HMCN2: variants seen among roughly 807,000 people sequenced by gnomAD.
HMCN2 encodes hemicentin 2.
HMCN2 carries 325 observed loss-of-function variants against 377.5 expected under a neutral mutation model. The ratio of observed to expected loss-of-function variants is 0.86; its 90% CI spans 0.79 to 0.94. HMCN2 has a LOEUF of 0.94. Ranked by LOEUF, HMCN2 falls within the 40% of genes least tolerant of loss-of-function variation. The probability of loss-of-function intolerance (pLI) is 0.00; values close to 1 mark genes in which losing one functional copy is unlikely to be tolerated. For synonymous variants in HMCN2, 2,007 were observed against 2,046.8 expected, an observed-to-expected ratio of 0.98 and a Z score of 0.53; for missense variants, 4,543 against 4,725.3, an observed-to-expected ratio of 0.96 and a Z score of 1.13.
chr9:130,327,992 G>A (rs1032934897), intron 22 of HMCN2, among the ~76,000 whole-genome samples: 29 of 152,304 alleles, frequency 1.9e-4, no homozygotes, highest in African/African-American at 6.3e-4. Context: ...AAGCCACGCC[G>A]TACCCCCCAG....
At chr9:130,332,599 G>T (rs1838485478) in intron 22 of HMCN2, among the ~76,000 whole-genome samples, 2 of 152,212 alleles carry the variant, frequency 1.3e-5, no homozygotes, top group African/African-American at 4.8e-5. Context: ...GTGCGATGGC[G>T]CTGGCTCCGT....
chr9:130,350,363 T>G (rs1839635514), intron 29 of HMCN2, among the ~76,000 whole-genome samples: 2 of 128,100 alleles, frequency 1.6e-5, no homozygotes, highest in Admixed American at 9.2e-5. Context: ...CGAGACCCTG[T>G]CTCTGCTAAA....
rs1173811076 is a variant in HMCN2 at position 130,360,621 on chromosome 9, C to G, written c.5950+17C>G. On this transcript the variant is annotated intron_variant, in intron 38 of 97. Coordinates refer to ENST00000683500, the MANE Select transcript of HMCN2 (RefSeq NM_001291815.2). This position sits in a 1 kb window ranked among gnomAD's most constrained non-coding sequence, Gnocchi z 4.7. ...GGGTCAATGGTGAGCTTCCCTGGGCCTACAAGGTCCCTTGTCCAAAAAGTT... is the reference window on the plus strand; with the variant it reads ...GGGTCAATGGTGAGCTTCCCTGGGCGTACAAGGTCCCTTGTCCAAAAAGTT... 7.9e-7 allele frequency: 1 copy of G among 1,267,532 alleles called. No individual in the cohort carries two copies. Among genetic ancestry groups the G allele is most frequent in the South Asian group, 1.3e-5 (1 of 77,670 alleles). The allele number at this position is 1,267,532 out of a possible 1,614,324, so 78.5% of individuals were successfully genotyped here.
chr9:130,370,230 C>G (rs1840941898), intron 45 of HMCN2, among the ~76,000 whole-genome samples: 1 of 152,108 alleles, frequency 6.6e-6, no homozygotes, highest in Non-Finnish European at 1.5e-5. Context: ...TGGGGCAGGT[C>G]AGGGCAACCT....
rs935693770 is a variant in HMCN2 at position 130,397,621 on chromosome 9, C to T, written c.11292C>T (p.Gly3764=). 7.8e-7 allele frequency: 1 copy of T among 1,289,840 alleles called. No individual in the cohort carries two copies. The highest frequency in any genetic ancestry group is 1.5e-5 in the African/African-American group (1 of 65,994). 79.9% of individuals were successfully genotyped at this position (1,289,840 alleles called of 1,614,324 possible). A position where few individuals can be genotyped will look rare whatever the true frequency, so the allele number is the denominator to read the frequency against. Residue 3764 remains glycine (G), a synonymous_variant, in exon 74 of 98, where the codon GGC becomes GGT. Transcript: ENST00000683500. ...TCTGCCTGGCATCCAACTCTGCTGG[C>T]TCCGATCGTCAAGGCCGTGACCTAC... ...HYLCLASNSA[G]SDRQGRDLRV...
intron 32 of HMCN2, 71 bp downstream of exon 32, chr9:130,355,115 C>T: frequency 8.6e-7 from 1 of 1,163,282 alleles, no homozygotes; most frequent in Non-Finnish European, 1.1e-6. Flanking sequence ...GCGTGCTTGT[C>T]CCGAGAGAGC....
At position 130,360,532 on chromosome 9, in the gene HMCN2, G is replaced by T. The variant is rs756255702; in HGVS notation, c.5878G>T (p.Ala1960Ser). ...CATTGAGCAAGCCCAGCTTTCTGAT[G>T]CTGGGAGCTACCGCTGTGTGGCATC... ...LRIEQAQLSD[A>S]GSYRCVASNV... The change falls in exon 38 of 98, where the codon GCT becomes TCT. Residue 1960 changes from alanine to serine, a missense_variant. Transcript: ENST00000683500. The surrounding 1 kb of genome is among the most constrained non-coding windows in gnomAD (Gnocchi z 4.7). The T allele has an allele frequency of 7.7e-7, 1 of 1,304,206 alleles. No individual in the cohort carries two copies. Among genetic ancestry groups the T allele is most frequent in the Non-Finnish European group, 1.0e-6 (1 of 988,934 alleles). The allele number at this position is 1,304,206 out of a possible 1,614,324, so 80.8% of individuals were successfully genotyped here.
In HMCN2 at chr9:130,433,419, C is replaced by G; in HGVS notation, c.14966C>G (p.Pro4989Arg). 6.7e-7 allele frequency: 1 copy of G among 1,492,602 alleles called. No individual in the cohort carries two copies. The highest frequency in any genetic ancestry group is 2.8e-5 in the East Asian group (1 of 35,220). 92.5% of individuals were successfully genotyped at this position (1,492,602 alleles called of 1,614,324 possible). The change falls in exon 98 of 98, where the codon CCG becomes CGG. Residue 4989 changes from proline (P) to arginine (R), a missense_variant. Around this residue, in one of 5 missense-constraint regions of HMCN2, gnomAD observed 1,155 missense variants for 1,157.7 expected, o/e 1.00. Coordinates refer to ENST00000683500, the MANE Select transcript of HMCN2 (RefSeq NM_001291815.2). ...TCTACGCTGCAGTACCGGCTGCTGC[C>G]GCTGCCCCTGGGCGTGCGCGCCCAC... ...GPSTLQYRLL[P>R]LPLGVRAHHD... is the part of the protein sequence containing the mutation.
chr9:130,422,201 C>T lies in HMCN2; in HGVS notation c.13232-376C>T, dbSNP rs1025788414. Among the ~76,000 whole-genome samples the T allele has an allele frequency of 1.3e-5, 2 of 152,214 alleles. No homozygotes were observed. The highest frequency in any genetic ancestry group is 4.8e-5 in the African/African-American group (2 of 41,454). ...TCCTTCAGTGTGCCAGCCACGCCAT[C>T]GTGGGCTCCCGGCATTTCAGAGACC... is the stretch of plus-strand genomic sequence containing the variant. On this transcript the variant is annotated intron_variant, in intron 86 of 97. Transcript: ENST00000683500. The surrounding 1 kb of genome is among the most constrained non-coding windows in gnomAD (Gnocchi z 4.2).
At chr9:130,345,186 G>C (rs1306385672) in intron 25 of HMCN2, among the ~76,000 whole-genome samples, 2 of 147,978 alleles carry the variant, frequency 1.4e-5, no homozygotes, top group Non-Finnish European at 3.0e-5. Flanking sequence ...GGTGGTGTGT[G>C]TAGTGTGGTT....
At chr9:130,283,160 A>G (rs1554926339) in intron 1 of HMCN2, among the ~76,000 whole-genome samples, 1 of 152,094 alleles carries the variant, frequency 6.6e-6, no homozygotes, top group Non-Finnish European at 1.5e-5. Context: ...GACCTTACAC[A>G]ATCCCCACTA....
In HMCN2 at chr9:130,394,611, T is replaced by A. The variant is rs1377825052; in HGVS notation, c.10692+36T>A. 5.6e-6 allele frequency: 7 copies of A among 1,252,270 alleles called. No individual in the cohort carries two copies. The highest frequency in any genetic ancestry group is 2.5e-5 in the Admixed American group (1 of 40,360). The allele number at this position is 1,252,270 out of a possible 1,614,324, so 77.6% of individuals were successfully genotyped here. A position where few individuals can be genotyped will look rare whatever the true frequency, so the allele number is the denominator to read the frequency against. On this transcript the variant is annotated intron_variant, in intron 69 of 97. Coordinates refer to ENST00000683500, the MANE Select transcript of HMCN2 (RefSeq NM_001291815.2). The surrounding 1 kb of genome is among the most constrained non-coding windows in gnomAD (Gnocchi z 5.1). ...CGCCGCCATGGGGCGAGGCTGGGGG[T>A]TGGGGGAGAGGGGAGGGACTGCAGG... is the stretch of plus-strand genomic sequence containing the variant.
At chr9:130,358,227 C>A (rs1478923977) in intron 35 of HMCN2, 163 bp from the exon 36 acceptor site, 5 of 590,058 alleles carry the variant, frequency 8.5e-6, no homozygotes, top group East Asian at 2.9e-4. Flanking sequence ...TCGGACGAAT[C>A]CCTGGAATCC....
In HMCN2 at chr9:130,312,539, C is replaced by CCCTCCCTCCTTTCTTTCT. The variant is rs1554939344; in HGVS notation, c.2350+2479_2350+2480insCTCCCTCCTTTCTTTCTC. ...TCCCTCCCTCCCTCCCTCCCTCCCT[C>CCCTCCCTCCTTTCTTTCT]CTTTCTTTCTTTCTTTCTTTCTTTC... is the stretch of plus-strand genomic sequence containing the variant. On this transcript the variant is annotated intron_variant, in intron 15 of 97. Transcript: ENST00000683500. 4.5e-4 allele frequency among the ~76,000 whole-genome samples: 3 copies of CCCTCCCTCCTTTCTTTCT among 6,634 alleles called. 1 individual carries two copies. The highest frequency in any genetic ancestry group is 1.2e-3 in the African/African-American group (3 of 2,596). 4.4% of individuals were successfully genotyped at this position (6,634 alleles called of 152,430 possible).
chr9:130,306,828 A>G lies in HMCN2; in HGVS notation c.1976A>G (p.Gln659Arg), dbSNP rs1554936967. Residue 659 changes from glutamine to arginine, a missense_variant, in exon 13 of 98, where the codon CAG (glutamine) becomes CGG (arginine). By Grantham distance (43) the Gln-to-Arg change is conservative. Transcript: ENST00000683500. ...GATTCTAGAATCCATGTGGACGCACAGGGAACCCTGATTATTCAGGGGGTA... is the reference window on the plus strand; with the variant it reads ...GATTCTAGAATCCATGTGGACGCACGGGGAACCCTGATTATTCAGGGGGTA... Reference protein sequence around the residue: ...QEDSRIHVDAQGTLIIQGVAP... With the variant: ...QEDSRIHVDARGTLIIQGVAP... 1 of 470,030 alleles carries G rather than the reference A, an allele frequency of 2.1e-6. No homozygotes were observed. Among genetic ancestry groups the G allele is most frequent in the Admixed American group, 2.4e-5 (1 of 42,450 alleles). The allele number at this position is 470,030 out of a possible 1,614,324, so 29.1% of individuals were successfully genotyped here.
At chr9:130,283,038 T>C (rs1835212081) in intron 1 of HMCN2, among the ~76,000 whole-genome samples, 1 of 152,144 alleles carries the variant, frequency 6.6e-6, no homozygotes, top group Non-Finnish European at 1.5e-5. Context: ...GCCACTATAC[T>C]GCAGCCTGGG....
intron 25 of HMCN2, among the ~76,000 whole-genome samples, chr9:130,344,048 C>T (rs998247764): frequency 2.7e-4 from 41 of 151,890 alleles, no homozygotes; most frequent in African/African-American, 9.7e-4. Flanking sequence ...AGCTGGTGCC[C>T]GGGGATCTCC....
rs1564791756 is a variant in HMCN2 at position 130,334,759 on chromosome 9, T to TC, written c.3360-3135_3360-3134insC. Among the ~76,000 whole-genome samples the TC allele has an allele frequency of 2.0e-3, 275 of 136,058 alleles. 2 individuals carry two copies. Among genetic ancestry groups the TC allele is most frequent in the South Asian group, 4.9e-3 (18 of 3,680 alleles). The allele number at this position is 136,058 out of a possible 152,430, so 89.3% of individuals were successfully genotyped here. A position where few individuals can be genotyped will look rare whatever the true frequency, so the allele number is the denominator to read the frequency against. ...CTCTCTTTCTCTTTCTCTCTCTCTC[T>TC]TCTCTCTCTCTCTCTCTCTCCCTCT... On this transcript the variant is annotated intron_variant, in intron 22 of 97. Transcript: ENST00000683500.
At chr9:130,403,507 T>C (rs2131724080) in intron 79 of HMCN2, among the ~76,000 whole-genome samples, 179 bp downstream of exon 79, 1 of 152,204 alleles carries the variant, frequency 6.6e-6, no homozygotes, top group Admixed American at 6.5e-5. Context: ...CCAACCCTTC[T>C]CCTGTCACCA....
Sources: gnomAD v4.1 joint callset for allele counts (sites outside exome capture counted in the v4.1 genomes callset) on GRCh38, gnomAD v4.1.1 for gene constraint, gnomAD v4.1.1 regional missense constraint, Gnocchi (gnomAD v3.1) non-coding constraint, MANE v1.5 for transcripts, NCBI Gene and HGNC (gene_info 2026-07-23, HGNC 2026-07-21) for gene names.